The following ZNF394 variants were observed in gnomAD, a reference collection of about 807,000 sequenced individuals.
ZNF394 encodes zinc finger protein 99.
Under a neutral mutation model 21.8 loss-of-function variants are expected in ZNF394, and 19 were observed. That is an observed-to-expected ratio of 0.87 (90% CI 0.61 to 1.28). The LOEUF is 1.28. Among genes scored for constraint, ZNF394 ranks in the 50% most tolerant of loss-of-function variants. The probability of loss-of-function intolerance (pLI) is 0.00; values close to 1 mark genes in which losing one functional copy is unlikely to be tolerated. For missense variants in ZNF394, 683 were observed against 708.6 expected (o/e 0.96, Z 0.41); for synonymous variants, 294 against 273.3 (o/e 1.08, Z -0.75).
intron 1 of ZNF394, chr7:99,487,410 C>CA (rs764912310): frequency 6.2e-7 from 1 of 1,614,202 alleles, no homozygotes; most frequent in Admixed American, 1.7e-5. Flanking sequence ...ACCAATGTGT[C>CA]ATATGTGGAA....
downstream of ZNF394, among the ~76,000 whole-genome samples, chr7:99,491,553 G>A (rs368097350): frequency 1.3e-5 from 2 of 151,902 alleles, no homozygotes; most frequent in African/African-American, 2.4e-5. Flanking sequence ...TGAGGCGGGC[G>A]GACCACGAGG....
At chr7:99,494,688 GC>G in intron 2 of ZNF394, 57 bp from the exon 3 acceptor site, 1 of 1,509,422 alleles carries the variant, frequency 6.6e-7, no homozygotes, top group Non-Finnish European at 8.8e-7. Flanking sequence ...ACAGAAATAA[GC>G]AAGTGCTGGC....
In ZNF394 at chr7:99,494,291, A is replaced by C; in HGVS notation, c.924T>G (p.Thr308=). ...CQHIPKAERP[T]DSEEHGNKCK... Reference sequence around the variant, plus strand: ...ACTTGTTCCCGTGTTCCTCACTGTCAGTGGGCCTCTCTGCTTTCGGGATGT... The same window carrying C: ...ACTTGTTCCCGTGTTCCTCACTGTCCGTGGGCCTCTCTGCTTTCGGGATGT... Residue 308 remains threonine, a synonymous_variant, in exon 3 of 3, where the codon ACT becomes ACG. Coordinates refer to ENST00000337673, the MANE Select transcript of ZNF394 (RefSeq NM_032164.4). The C allele has an allele frequency of 6.2e-7, 1 of 1,614,234 alleles. No individual in the cohort carries two copies. The highest frequency in any genetic ancestry group is 8.5e-7 in the Non-Finnish European group (1 of 1,180,040).
In ZNF394 at chr7:99,494,828, G is replaced by A. The variant is rs563297973; in HGVS notation, c.584-197C>T. ...CAGTTCACTGCAACCTCTGCCTCCCGAGTTCAACTGATTATCCTACCTCAG... is the reference window on the plus strand; with the variant it reads ...CAGTTCACTGCAACCTCTGCCTCCCAAGTTCAACTGATTATCCTACCTCAG... On this transcript the variant is annotated intron_variant, in intron 2 of 2. Coordinates refer to ENST00000337673, the MANE Select transcript of ZNF394 (RefSeq NM_032164.4). 3.9e-4 allele frequency among the ~76,000 whole-genome samples: 59 copies of A among 151,866 alleles called. 1 individual carries two copies. Among genetic ancestry groups the A allele is most frequent in the Admixed American group, 3.7e-3 (56 of 15,230 alleles).
chr7:99,498,952 TGACA>T (rs1800424131), intron 1 of ZNF394, 110 bp from the exon 2 acceptor site: 1 of 1,400,958 alleles, frequency 7.1e-7, no homozygotes, highest in South Asian at 1.6e-5. Context: ...AGATAGAGGC[TGACA>T]TTCTCTTGTA....
At position 99,494,256 on chromosome 7, in the gene ZNF394, CTT is replaced by C. The variant is rs1800232468; in HGVS notation, c.957_958del (p.Ser320PhefsTer15). ...CACGTGCCACGTCACCATGTGGAAA[CTT>C]TGCTTGCACTTGTTCCCGTGTTCCT... On this transcript the variant is annotated frameshift_variant, in exon 3 of 3. Coordinates refer to ENST00000337673, the MANE Select transcript of ZNF394 (RefSeq NM_032164.4). LOFTEE classifies it low-confidence loss of function (END_TRUNC). 4 of 1,614,260 alleles carry C rather than the reference CTT, an allele frequency of 2.5e-6. No homozygotes were observed. Among genetic ancestry groups the C allele is most frequent in the Non-Finnish European group, 3.4e-6 (4 of 1,180,054 alleles).
intron 1 of ZNF394, chr7:99,487,224 G>C: frequency 6.2e-7 from 1 of 1,614,134 alleles, no homozygotes; most frequent in African/African-American, 1.3e-5. Flanking sequence ...ACAGTAAACC[G>C]AACACCCATA....
rs775194314 is a variant in ZNF394 at position 99,494,363 on chromosome 7, ATTATTTTTAG to A, written c.842_851del (p.Ser281LeufsTer41). On this transcript the variant is annotated frameshift_variant, in exon 3 of 3. Coordinates refer to ENST00000337673, the MANE Select transcript of ZNF394 (RefSeq NM_032164.4). LOFTEE classifies it low-confidence loss of function (END_TRUNC). The stretch of plus-strand genomic sequence containing the variant: ...AACACCTGGCACTGTTCTGCAATTC[ATTATTTTTAG>A]AGTCTTCCCCTTCTATGGAACCATT... 1 of 1,614,164 alleles carries A rather than the reference ATTATTTTTAG, an allele frequency of 6.2e-7. No individual in the cohort carries two copies. Among genetic ancestry groups the A allele is most frequent in the Non-Finnish European group, 8.5e-7 (1 of 1,180,032 alleles).
downstream of ZNF394, among the ~76,000 whole-genome samples, chr7:99,488,501 CAAA>C (rs879418719): frequency 8.1e-6 from 1 of 123,792 alleles, no homozygotes. Flanking sequence ...GACTCCATCT[CAAA>C]AAAAAAAAAA....
At chr7:99,491,634 G>T (rs754338862), downstream of ZNF394, among the ~76,000 whole-genome samples, 15 of 151,654 alleles carry the variant, frequency 9.9e-5, no homozygotes, top group African/African-American at 3.6e-4. Flanking sequence ...AAATCAGCCG[G>T]GTGTGGTGGC....
Position 99,500,043 on chromosome 7 carries a change from T to C in ZNF394, c.51A>G (p.Gly17=). The change falls in exon 1 of 3, where the codon GGA becomes GGG. Residue 17 remains glycine (G), a synonymous_variant. Coordinates refer to ENST00000337673, the MANE Select transcript of ZNF394 (RefSeq NM_032164.4). ...TGGACCTCGCAGCCATCACCCAGGG[T>C]CCCAACTCGGCGTCACTGCCGCGCC... The part of the protein sequence containing the change: ...AQRRGSDAEL[G]PWVMAARSKD... 1 of 1,592,610 alleles carries C rather than the reference T, an allele frequency of 6.3e-7. No individual in the cohort carries two copies. The highest frequency in any genetic ancestry group is 8.5e-7 in the Non-Finnish European group (1 of 1,172,788).
downstream of ZNF394, among the ~76,000 whole-genome samples, chr7:99,491,534 C>G (rs561554097): frequency 1.1e-4 from 17 of 152,092 alleles, no homozygotes; most frequent in Admixed American, 9.8e-4. Context: ...TGATTAGAAA[C>G]TTGGAAGCTG....
chr7:99,494,967 T>C (rs1405163749), intron 2 of ZNF394, among the ~76,000 whole-genome samples: 1 of 152,010 alleles, frequency 6.6e-6, no homozygotes, highest in Non-Finnish European at 1.5e-5. Flanking sequence ...TCTCTTGACC[T>C]CATGATCCGC....
intron 2 of ZNF394, 112 bp from the exon 3 acceptor site, chr7:99,494,743 A>ATTTATT: frequency 7.2e-7 from 1 of 1,389,446 alleles, no homozygotes; most frequent in Non-Finnish European, 9.3e-7. Context: ...TAATTAATTA[A>ATTTATT]TTTATTTTTT....
chr7:99,490,641 T>A (rs12533678), downstream of ZNF394, among the ~76,000 whole-genome samples: 17,828 of 142,038 alleles, frequency 0.13, 1,483 homozygotes, highest in African/African-American at 0.24. Context: ...TTTTTTTTTT[T>A]AAAAAAAAAG....
intron 2 of ZNF394, among the ~76,000 whole-genome samples, chr7:99,497,253 C>T (rs1800364387): frequency 6.6e-6 from 1 of 150,498 alleles, no homozygotes; most frequent in Non-Finnish European, 1.5e-5. Flanking sequence ...ACTGCAACCT[C>T]CGCCTCCCAG....
At chr7:99,496,874 C>A (rs61159815) in intron 2 of ZNF394, among the ~76,000 whole-genome samples, 10,472 of 150,968 alleles carry the variant, frequency 0.069, 739 homozygotes, top group East Asian at 0.31. Flanking sequence ...ACCCAGCCAA[C>A]AGCAAATGTT....
intron 1 of ZNF394, among the ~76,000 whole-genome samples, chr7:99,499,370 C>G (rs1186512031): frequency 6.6e-6 from 1 of 150,574 alleles, no homozygotes; most frequent in Non-Finnish European, 1.5e-5. Flanking sequence ...GAGTGAAACT[C>G]CATCTCAAAC....
rs747671597 is a variant in ZNF394 at position 99,493,700 on chromosome 7, G to A, written c.1515C>T (p.Arg505=). The A allele has an allele frequency of 6.2e-7, 1 of 1,614,232 alleles. No individual in the cohort carries two copies. The highest frequency in any genetic ancestry group is 8.5e-7 in the Non-Finnish European group (1 of 1,180,048). ...TAATGAGGGTTGCACTCTGATTGAAGCGTTTCCCACAGACGGAACATCCAT... is the reference window on the plus strand; with the variant it reads ...TAATGAGGGTTGCACTCTGATTGAAACGTTTCCCACAGACGGAACATCCAT... ...KPYGCSVCGK[R]FNQSATLIKH... Residue 505 remains arginine, a synonymous_variant, in exon 3 of 3, where the codon CGC becomes CGT. Transcript: ENST00000337673.
Sources: allele counts gnomAD v4.1 joint callset (sites outside exome capture counted in the v4.1 genomes callset), GRCh38; gene constraint gnomAD v4.1.1; transcripts MANE v1.5; gene names NCBI Gene and HGNC (gene_info 2026-07-23, HGNC 2026-07-21).